USP42: variants seen among roughly 807,000 people sequenced by gnomAD.
The protein encoded by USP42 is ubiquitin carboxyl-terminal hydrolase 42.
In USP42, 23 loss-of-function variants were observed where a neutral mutation model predicts 113.0. The ratio of observed to expected loss-of-function variants is 0.20; its 90% CI spans 0.15 to 0.29. The LOEUF (loss-of-function observed/expected upper bound fraction) is 0.29, where lower values mean the gene tolerates loss of function less well. USP42 is among the 10% of genes least tolerant of loss of function. USP42 has a pLI of 1.00. For synonymous variants in USP42, 933 were observed against 699.0 expected (o/e 1.33, Z -5.28); for missense variants, 2,174 against 1,779.8 (o/e 1.22, Z -3.99).
intron 3 of USP42, among the ~76,000 whole-genome samples, chr7:6,121,535 C>T (rs1780225870): frequency 6.6e-6 from 1 of 152,026 alleles, no homozygotes; most frequent in South Asian, 2.1e-4. Flanking sequence ...GTTTTCTTCG[C>T]ATCTGTTTCC....
chr7:6,085,621 TATA>T, the USP42 span, among the ~76,000 whole-genome samples: 115 of 126,758 alleles, frequency 9.1e-4, no homozygotes, highest in South Asian at 2.3e-3. Flanking sequence ...TATATATATA[TATA>T]TTTTTTTTGA....
chr7:6,108,489 C>G (rs1779414879), intron 1 of USP42, among the ~76,000 whole-genome samples: 2 of 152,076 alleles, frequency 1.3e-5, no homozygotes, highest in Admixed American at 6.6e-5. Flanking sequence ...TTACAGTATC[C>G]TTTTCTTTTA....
chr7:6,122,911 C>T (rs1780315799), intron 3 of USP42, among the ~76,000 whole-genome samples: 2 of 151,984 alleles, frequency 1.3e-5, no homozygotes, highest in East Asian at 1.9e-4. Flanking sequence ...GCAGCCTCCA[C>T]CTTTCAAGTT....
the USP42 span, among the ~76,000 whole-genome samples, chr7:6,087,612 C>T: frequency 6.6e-6 from 1 of 150,994 alleles, no homozygotes; most frequent in Non-Finnish European, 1.5e-5. Flanking sequence ...GCTGGGATTA[C>T]AGGAATTAGC....
rs778603846 is a variant in USP42 at position 6,154,016 on chromosome 7, C to T, written c.2462C>T (p.Pro821Leu). 2.5e-6 allele frequency: 4 copies of T among 1,604,132 alleles called. No individual in the cohort carries two copies. Among genetic ancestry groups the T allele is most frequent in the East Asian group, 4.5e-5 (2 of 44,850 alleles). ...ACAGCACCCCCTGACCTGTGTGATC[C>T]CGGGAGCTTAACAGGCGATGCGAGC... The part of the protein sequence containing the change: ...GDTAPPDLCD[P>L]GSLTGDASPL... Residue 821 changes from proline to leucine, a missense_variant, in exon 15 of 18, where the codon CCC becomes CTC. Coordinates refer to ENST00000306177, the MANE Select transcript of USP42 (RefSeq NM_032172.3).
In USP42 at chr7:6,156,811, CA is replaced by C. The variant is rs759165525; in HGVS notation, c.3707del (p.Lys1236ArgfsTer92). 3.7e-6 allele frequency: 6 copies of C among 1,603,812 alleles called. No individual in the cohort carries two copies. Among genetic ancestry groups the C allele is most frequent in the South Asian group, 2.2e-5 (2 of 89,562 alleles). ...ACSDADLHRHKKKKKKKKRHS... is the reference protein window; with the variant it reads ...ACSDADLHRHXKKKKKKKRHS... ...GCTCTGACGCTGACCTCCACAGACACAAAAAAAAGAAGAAGAAAAAGAAGAG... is the reference window on the plus strand; with the variant it reads ...GCTCTGACGCTGACCTCCACAGACACAAAAAAAGAAGAAGAAAAAGAAGAG... On this transcript the variant is annotated frameshift_variant, in exon 16 of 18. Transcript: ENST00000306177. LOFTEE classifies it high-confidence loss of function.
intron 3 of USP42, 44 bp from the exon 4 acceptor site, chr7:6,135,797 T>C (rs1470449487): frequency 1.6e-6 from 2 of 1,252,782 alleles, no homozygotes; most frequent in South Asian, 1.4e-5. Context: ...TGTGTGTATA[T>C]GGTTGTATTT....
Position 6,155,151 on chromosome 7 carries a change from GAAGAAA to G in USP42, c.3604_3609del (p.Lys1202_Lys1203del). 6.5e-7 allele frequency: 1 copy of G among 1,546,188 alleles called. No individual in the cohort carries two copies. The highest frequency in any genetic ancestry group is 8.7e-7 in the Non-Finnish European group (1 of 1,147,050). ...AAGCAAAGAAGCACAAAAAATCAAA[GAAGAAA>G]AAGAAATCCAAAGACAAACACCGAG... On this transcript the variant is annotated inframe_deletion, in exon 15 of 18. Transcript: ENST00000306177.
intron 4 of USP42, among the ~76,000 whole-genome samples, chr7:6,138,871 G>A (rs555941287): frequency 6.6e-6 from 1 of 152,008 alleles, no homozygotes; most frequent in Non-Finnish European, 1.5e-5. Flanking sequence ...ATGGTCTTCC[G>A]TGAAACCAGT....
At chr7:6,143,559 A>T (rs1781545512) in intron 8 of USP42, among the ~76,000 whole-genome samples, 1 of 152,182 alleles carries the variant, frequency 6.6e-6, no homozygotes, top group Admixed American at 6.5e-5. Flanking sequence ...GTAGATTTCC[A>T]CTTTGTGGTC....
At chr7:6,106,273 T>A (rs1469701237) in intron 1 of USP42, among the ~76,000 whole-genome samples, 2 of 152,238 alleles carry the variant, frequency 1.3e-5, no homozygotes, top group Non-Finnish European at 2.9e-5. Flanking sequence ...TGTTTTCTCT[T>A]ATAACGGAAA....
At chr7:6,124,286 G>A (rs1030571380) in intron 3 of USP42, among the ~76,000 whole-genome samples, 1 of 149,758 alleles carries the variant, frequency 6.7e-6, no homozygotes, top group African/African-American at 2.5e-5. Flanking sequence ...TTCTTTTTTT[G>A]AGACGGATTC....
rs1782516107 is a variant in USP42 at position 6,157,396 on chromosome 7, T to C, written c.3943+341T>C. 1 of 985,638 alleles carries C rather than the reference T, an allele frequency of 1.0e-6. No individual in the cohort carries two copies. The highest frequency in any genetic ancestry group is 4.7e-5 in the South Asian group (1 of 21,232). 61.1% of individuals were successfully genotyped at this position (985,638 alleles called of 1,614,324 possible). A position where few individuals can be genotyped will look rare whatever the true frequency, so the allele number is the denominator to read the frequency against. On this transcript the variant is annotated intron_variant, in intron 16 of 17. Transcript: ENST00000306177. The surrounding 1 kb of genome is among the most constrained non-coding windows in gnomAD (Gnocchi z 4.1). ...TTGGTTTGGTTTTATTTTATTTTAT[T>C]TTATTTATTTTATTTTTTGAGACGG... is the stretch of plus-strand genomic sequence containing the variant.
the USP42 span, among the ~76,000 whole-genome samples, chr7:6,098,638 G>A: frequency 2.7e-5 from 4 of 150,028 alleles, no homozygotes; most frequent in African/African-American, 5.0e-5. Context: ...TGCAACCTCC[G>A]CCTCCCCGGT....
intron 4 of USP42, among the ~76,000 whole-genome samples, chr7:6,137,632 A>G (rs1225773728): frequency 6.6e-6 from 1 of 152,172 alleles, no homozygotes; most frequent in Non-Finnish European, 1.5e-5. Flanking sequence ...TGCAGAGATT[A>G]CAGACGTGAG....
chr7:6,131,875 A>C (rs968828416), intron 3 of USP42, among the ~76,000 whole-genome samples: 2 of 152,210 alleles, frequency 1.3e-5, no homozygotes, highest in Admixed American at 1.3e-4. Flanking sequence ...GTCTCCCAGA[A>C]GTGCAAGTCT....
chr7:6,103,983 C>G (rs1173769670), upstream of USP42, among the ~76,000 whole-genome samples: 1 of 150,976 alleles, frequency 6.6e-6, no homozygotes, highest in Non-Finnish European at 1.5e-5. Context: ...GCTAGGGAGG[C>G]TAAGACAGGA....
intron 3 of USP42, among the ~76,000 whole-genome samples, chr7:6,122,275 G>A (rs1188863141): frequency 6.9e-6 from 1 of 144,886 alleles, no homozygotes; most frequent in Non-Finnish European, 1.5e-5. Flanking sequence ...TATGTCATGT[G>A]TCAGTTTTTT....
chr7:6,111,089 C>G (rs1027333968), intron 1 of USP42, 36 bp from the exon 2 acceptor site: 63 of 1,580,614 alleles, frequency 4.0e-5, no homozygotes, highest in Non-Finnish European at 5.1e-5. Context: ...CTTTTCTCAC[C>G]TGATGAAACA....
Sources: allele counts gnomAD v4.1 joint callset (sites outside exome capture counted in the v4.1 genomes callset), GRCh38; gene constraint gnomAD v4.1.1; non-coding constraint Gnocchi (gnomAD v3.1); transcripts MANE v1.5; gene names NCBI Gene and HGNC (gene_info 2026-07-23, HGNC 2026-07-21).